RFX4: variants seen among roughly 807,000 people sequenced by gnomAD.
The protein encoded by RFX4 is transcription factor RFX4.
RFX4 carries 10 observed loss-of-function variants against 95.0 expected under a neutral mutation model. The ratio of observed to expected loss-of-function variants is 0.11; its 90% CI spans 0.06 to 0.18. RFX4 has a LOEUF of 0.18. Among genes scored for constraint, RFX4 ranks in the 10% least tolerant of loss-of-function variants. RFX4 has a pLI of 1.00. For synonymous variants in RFX4, 321 were observed against 340.7 expected (o/e 0.94, Z 0.64); for missense variants, 640 against 922.0 (o/e 0.69, Z 3.96).
intron 13 of RFX4, among the ~76,000 whole-genome samples, chr12:106,729,979 C>T (rs934695963): frequency 1.1e-4 from 17 of 152,078 alleles, no homozygotes; most frequent in African/African-American, 3.9e-4. Flanking sequence ...TACCAAATGG[C>T]ATTGAAAAAC....
intron 1 of RFX4, among the ~76,000 whole-genome samples, chr12:106,597,685 A>G (rs1316920751): frequency 6.6e-6 from 1 of 152,140 alleles, no homozygotes; most frequent in Non-Finnish European, 1.5e-5. Flanking sequence ...GGTCTTAACT[A>G]TTATACTGAC....
rs1173931415 is a variant in RFX4 at position 106,684,796 on chromosome 12, G to A, written c.378-2088G>A. On this transcript the variant is annotated intron_variant, in intron 5 of 17. Coordinates refer to ENST00000392842, the MANE Select transcript of RFX4 (RefSeq NM_213594.3). ...CTTCGCTCAGCACAAAGAATTTTCT[G>A]ATAACCATACTGGCAAAATGAACTG... is the stretch of plus-strand genomic sequence containing the variant. The A allele has an allele frequency of 2.0e-6, 3 of 1,528,666 alleles. No individual in the cohort carries two copies. The South Asian group carries it at 3.6e-5, about 18-fold the overall frequency. The allele number at this position is 1,528,666 out of a possible 1,614,324, so 94.7% of individuals were successfully genotyped here.
rs150762099 is a variant in RFX4, at chr12:106,750,658, C to T, written c.1800C>T (p.Tyr600=). 8.7e-6 allele frequency: 14 copies of T among 1,602,870 alleles called. No individual in the cohort carries two copies. Among genetic ancestry groups the T allele is most frequent in the Non-Finnish European group, 1.1e-5 (13 of 1,175,206 alleles). ...PVYPHREEHG[Y]TGSYNYGSYG... is the part of the protein sequence containing the mutation. ...CAATGTGCTTGATGCATTTTAGATA[C>T]ACGGGAAGCTATAACTATGGGAGCT... Residue 600 remains tyrosine (Y), a synonymous_variant, in exon 17 of 18, where the codon TAC becomes TAT. Coordinates refer to ENST00000392842, the MANE Select transcript of RFX4 (RefSeq NM_213594.3).
At chr12:106,606,731 T>C (rs578262636) in intron 1 of RFX4, among the ~76,000 whole-genome samples, 14 of 152,282 alleles carry the variant, frequency 9.2e-5, no homozygotes, top group African/African-American at 3.1e-4. Flanking sequence ...TCAGATATTT[T>C]CCCCCTACTT....
chr12:106,706,873 A>G (rs552809083), intron 8 of RFX4, among the ~76,000 whole-genome samples: 17 of 152,344 alleles, frequency 1.1e-4, no homozygotes, highest in African/African-American at 4.1e-4. Context: ...TGTAGATGAT[A>G]TTAAGGAATT....
chr12:106,745,580 A>G (rs1379331393), intron 15 of RFX4, among the ~76,000 whole-genome samples: 1 of 152,186 alleles, frequency 6.6e-6, no homozygotes, highest in Non-Finnish European at 1.5e-5. Flanking sequence ...ACTCCATATC[A>G]ATGCAGCTCC....
chr12:106,704,270 C>T (rs2042043504), intron 8 of RFX4, among the ~76,000 whole-genome samples: 1 of 152,070 alleles, frequency 6.6e-6, no homozygotes, highest in Admixed American at 6.5e-5. Flanking sequence ...AAGCATGCTC[C>T]CTGCTCTCAT....
chr12:106,612,997 G>T (rs1472348597), intron 2 of RFX4, among the ~76,000 whole-genome samples: 1 of 151,932 alleles, frequency 6.6e-6, no homozygotes, highest in East Asian at 2.0e-4. Flanking sequence ...ACCTTGTCTT[G>T]TTCCTGATTC....
At chr12:106,686,633 G>A (rs982101454) in intron 5 of RFX4, among the ~76,000 whole-genome samples, 4 of 152,010 alleles carry the variant, frequency 2.6e-5, no homozygotes, top group African/African-American at 9.7e-5. Context: ...TTGACTTAAC[G>A]TTTTCTGTAG....
chr12:106,672,844 C>T (rs2041312953), intron 4 of RFX4, among the ~76,000 whole-genome samples: 1 of 151,804 alleles, frequency 6.6e-6, no homozygotes, highest in Admixed American at 6.6e-5. Context: ...CTGCAGCAGC[C>T]CTTTCTTTGC....
chr12:106,644,594 G>C (rs1295280219), intron 3 of RFX4, among the ~76,000 whole-genome samples: 1 of 152,134 alleles, frequency 6.6e-6, no homozygotes, highest in African/African-American at 2.4e-5. Flanking sequence ...ATTACAAGTA[G>C]GGCCTCACGG....
At chr12:106,671,170 G>T (rs958967329) in intron 4 of RFX4, among the ~76,000 whole-genome samples, 1 of 152,168 alleles carries the variant, frequency 6.6e-6, no homozygotes, top group African/African-American at 2.4e-5. Context: ...ATCTCCTTCA[G>T]TGTGTGGAAG....
intron 2 of RFX4, among the ~76,000 whole-genome samples, chr12:106,632,435 C>G (rs1263123237): frequency 6.6e-6 from 1 of 152,166 alleles, no homozygotes; most frequent in Non-Finnish European, 1.5e-5. Context: ...GCATGTCTCC[C>G]AGTGAAAACG....
At chr12:106,625,085 T>C (rs1454226365) in intron 2 of RFX4, among the ~76,000 whole-genome samples, 1 of 152,068 alleles carries the variant, frequency 6.6e-6, no homozygotes, top group Non-Finnish European at 1.5e-5. Context: ...TAGTATGAGA[T>C]TTTATGGATC....
intron 3 of RFX4, among the ~76,000 whole-genome samples, chr12:106,646,419 C>T (rs1183215171): frequency 8.2e-6 from 1 of 121,358 alleles, no homozygotes; most frequent in African/African-American, 3.4e-5. Flanking sequence ...TAATACATTG[C>T]CTAGTTTTAT....
At chr12:106,633,737 C>T (rs147775366) in intron 2 of RFX4, among the ~76,000 whole-genome samples, 14 of 152,136 alleles carry the variant, frequency 9.2e-5, no homozygotes, top group Non-Finnish European at 1.9e-4. Flanking sequence ...GGGGCCATAA[C>T]AAAGTTTAGT....
At chr12:106,657,599 C>G (rs2040985447) in intron 4 of RFX4, among the ~76,000 whole-genome samples, 1 of 152,172 alleles carries the variant, frequency 6.6e-6, no homozygotes, top group Non-Finnish European at 1.5e-5. Flanking sequence ...CCTGCTTTCG[C>G]TGTTAAGGGT....
At chr12:106,643,318 G>A (rs139151925) in intron 3 of RFX4, among the ~76,000 whole-genome samples, 5 of 152,304 alleles carry the variant, frequency 3.3e-5, no homozygotes, top group African/African-American at 9.6e-5. Flanking sequence ...AAGGACCCAC[G>A]AGAAGGTGGC....
intron 15 of RFX4, 58 bp downstream of exon 15, chr12:106,733,143 G>A (rs1044572313): frequency 3.2e-6 from 5 of 1,562,338 alleles, no homozygotes; most frequent in East Asian, 2.3e-5. Context: ...AGGGCTTTCT[G>A]CCAGCCTGGG....
Sources: allele counts gnomAD v4.1 joint callset (sites outside exome capture counted in the v4.1 genomes callset), GRCh38; gene constraint gnomAD v4.1.1; transcripts MANE v1.5; gene names NCBI Gene and HGNC (gene_info 2026-07-23, HGNC 2026-07-21).